The following TENM3 variants were observed in gnomAD, a reference collection of about 807,000 sequenced individuals.
TENM3 encodes the protein teneurin transmembrane protein 3, also known as teneurin-3.
In TENM3, 63 loss-of-function variants were observed where a neutral mutation model predicts 255.1. The ratio of observed to expected loss-of-function variants is 0.25; its 90% CI spans 0.20 to 0.30. The LOEUF (loss-of-function observed/expected upper bound fraction) is 0.30. Ranked by LOEUF, TENM3 falls within the 10% of genes least tolerant of loss-of-function variation. The pLI, the probability that TENM3 is intolerant of heterozygous loss-of-function variation, is 1.00. For synonymous variants in TENM3, 1,306 were observed against 1,322.3 expected (o/e 0.99, Z 0.27); for missense variants, 2,929 against 3,461.1 (o/e 0.85, Z 3.86).
intron 1 of TENM3, among the ~76,000 whole-genome samples, chr4:182,156,135 C>T (rs1355917305): frequency 6.6e-6 from 1 of 151,364 alleles, no homozygotes; most frequent in African/African-American, 2.4e-5. Flanking sequence ...TGTATAGATC[C>T]ATGGATGAAT....
chr4:182,443,849 G>A (rs12498833), intron 3 of TENM3, among the ~76,000 whole-genome samples: 11,395 of 152,170 alleles, frequency 0.075, 669 homozygotes, highest in East Asian at 0.23. Context: ...GCAAGCAGTG[G>A]ACATGATTGG....
chr4:182,699,209 G>A (rs1436762370), intron 12 of TENM3, among the ~76,000 whole-genome samples: 1 of 152,206 alleles, frequency 6.6e-6, no homozygotes, highest in Non-Finnish European at 1.5e-5. Flanking sequence ...CCACTGGAAG[G>A]CGGGCCCACT....
the TENM3 span, among the ~76,000 whole-genome samples, chr4:182,042,709 A>G: frequency 2.0e-5 from 3 of 152,184 alleles, no homozygotes; most frequent in Admixed American, 6.5e-5. Context: ...TTTTGATGCT[A>G]TTCATTCAAA....
the TENM3 span, among the ~76,000 whole-genome samples, chr4:181,808,769 C>T: frequency 4.6e-5 from 7 of 152,084 alleles, no homozygotes; most frequent in Admixed American, 2.6e-4. Context: ...TTTTTTTCCA[C>T]AAACCACAAA....
the TENM3 span, among the ~76,000 whole-genome samples, chr4:182,088,638 T>A: frequency 0.016 from 2,389 of 152,052 alleles, 130 homozygotes; most frequent in East Asian, 0.21. Context: ...ATCAAGATCA[T>A]CCCGGCTACC....
chr4:181,463,750 A>G, the TENM3 span, among the ~76,000 whole-genome samples: 1 of 152,120 alleles, frequency 6.6e-6, no homozygotes, highest in African/African-American at 2.4e-5. Flanking sequence ...ATCTAATTTT[A>G]AAACATTTGT....
chr4:181,607,924 G>A, the TENM3 span, among the ~76,000 whole-genome samples: 3 of 152,188 alleles, frequency 2.0e-5, no homozygotes, highest in Non-Finnish European at 4.4e-5. Context: ...AAGGAAAAGA[G>A]TGGCAAATGG....
At chr4:182,025,151 C>A in the TENM3 span, among the ~76,000 whole-genome samples, 1 of 151,798 alleles carries the variant, frequency 6.6e-6, no homozygotes, top group Admixed American at 6.6e-5. Context: ...GGCTCAGCCT[C>A]CCCAGTAGCT....
chr4:181,721,544 G>T, the TENM3 span, among the ~76,000 whole-genome samples: 16 of 50,650 alleles, frequency 3.2e-4, 2 homozygotes, highest in African/African-American at 8.1e-4. Context: ...AGCTTGCAGT[G>T]AGCCGAGATC....
At chr4:182,390,489 G>A (rs908901344) in intron 3 of TENM3, among the ~76,000 whole-genome samples, 4 of 152,198 alleles carry the variant, frequency 2.6e-5, no homozygotes, top group Admixed American at 2.6e-4. Context: ...GGTCAGCTTT[G>A]TAAAGTGGGA....
At chr4:182,016,575 G>C in the TENM3 span, among the ~76,000 whole-genome samples, 1 of 152,154 alleles carries the variant, frequency 6.6e-6, no homozygotes, top group South Asian at 2.1e-4. Flanking sequence ...GTTGTAAATA[G>C]AAGGTCTGAT....
the TENM3 span, among the ~76,000 whole-genome samples, chr4:181,533,651 A>T: frequency 6.6e-6 from 1 of 152,182 alleles, no homozygotes; most frequent in Non-Finnish European, 1.5e-5. Flanking sequence ...CACGAGACAG[A>T]TGTAAGCTAC....
intron 3 of TENM3, among the ~76,000 whole-genome samples, chr4:182,492,220 A>G (rs901500161): frequency 1.3e-5 from 2 of 152,160 alleles, no homozygotes; most frequent in African/African-American, 4.8e-5. Context: ...TTATGACAGC[A>G]TATGTTAAAA....
At chr4:182,163,419 A>T (rs992151140) in intron 1 of TENM3, among the ~76,000 whole-genome samples, 1 of 152,108 alleles carries the variant, frequency 6.6e-6, no homozygotes, top group Non-Finnish European at 1.5e-5. Context: ...TGTGCCTCAC[A>T]CAAGGGGATT....
chr4:181,971,116 T>A, the TENM3 span, among the ~76,000 whole-genome samples: 1 of 152,160 alleles, frequency 6.6e-6, no homozygotes. Context: ...CCCAGTCCAA[T>A]TATTGGTAAT....
At chr4:181,522,992 A>T in the TENM3 span, 27 of 653,340 alleles carry the variant, frequency 4.1e-5, no homozygotes, top group Non-Finnish European at 7.4e-5. Context: ...TGCATAGGGA[A>T]CTCAATGCAT....
At chr4:182,243,197 T>C (rs1335813994), upstream of TENM3, among the ~76,000 whole-genome samples, 1 of 152,106 alleles carries the variant, frequency 6.6e-6, no homozygotes, top group African/African-American at 2.4e-5. Flanking sequence ...GCATTGAGAC[T>C]TCCACCTCCC....
At position 182,796,351 on chromosome 4, in the gene TENM3, C is replaced by T. The variant is rs529509127; in HGVS notation, c.7214-286C>T. Among the ~76,000 whole-genome samples, 273 of 152,340 alleles carry T rather than the reference C, an allele frequency of 1.8e-3. 1 individual carries two copies. Among genetic ancestry groups the T allele is most frequent in the African/African-American group, 6.1e-3 (254 of 41,572 alleles). On this transcript the variant is annotated intron_variant, in intron 26 of 27. Transcript: ENST00000511685. ...TGTGCATTGTTCTTACCTTTGCTAG[C>T]ACTGTTACTAGCACAGGCTGCAACT...
the TENM3 span, among the ~76,000 whole-genome samples, chr4:181,888,536 G>GTA: frequency 1.1e-3 from 76 of 69,770 alleles, no homozygotes; most frequent in African/African-American, 3.2e-3. Context: ...ACATATATGT[G>GTA]TATATATATA....
Sources: allele counts gnomAD v4.1 joint callset (sites outside exome capture counted in the v4.1 genomes callset), GRCh38; gene constraint gnomAD v4.1.1; transcripts MANE v1.5; gene names NCBI Gene and HGNC (gene_info 2026-07-23, HGNC 2026-07-21).